GABRG3: variants seen among roughly 807,000 people sequenced by gnomAD.
GABRG3 encodes the protein gamma-aminobutyric acid receptor subunit gamma-3.
GABRG3 carries 25 observed loss-of-function variants against 48.8 expected under a neutral mutation model. The ratio of observed to expected loss-of-function variants is 0.51; its 90% CI spans 0.37 to 0.72. The LOEUF (loss-of-function observed/expected upper bound fraction) is 0.72. GABRG3 is among the 30% of genes least tolerant of loss of function. The pLI, the probability that GABRG3 is intolerant of heterozygous loss-of-function variation, is 0.00. For missense variants in GABRG3, 394 were observed against 577.9 expected (o/e 0.68, Z 3.26); for synonymous variants, 227 against 217.6 (o/e 1.04, Z -0.38).
chr15:27,077,068 C>T (rs1293534354), intron 3 of GABRG3, among the ~76,000 whole-genome samples: 1 of 152,146 alleles, frequency 6.6e-6, no homozygotes, highest in Non-Finnish European at 1.5e-5. Flanking sequence ...TGTAACGCTG[C>T]TGAAGTTTCA....
At chr15:26,972,108 C>G (rs879698550) in intron 1 of GABRG3, among the ~76,000 whole-genome samples, 2 of 152,040 alleles carry the variant, frequency 1.3e-5, no homozygotes, top group Admixed American at 1.3e-4. Flanking sequence ...AGAAGAAAGC[C>G]CTGCTTGTCT....
At chr15:27,308,198 GTTTATATATCCAAA>G (rs1892773921) in intron 3 of GABRG3, among the ~76,000 whole-genome samples, 1 of 43,512 alleles carries the variant, frequency 2.3e-5, no homozygotes, top group Admixed American at 2.1e-4. Flanking sequence ...ATATAAACAT[GTTTATATATCCAAA>G]CATATATAAA....
intron 2 of GABRG3, among the ~76,000 whole-genome samples, chr15:26,998,514 AC>A (rs897876115): frequency 2.6e-5 from 4 of 152,052 alleles, no homozygotes; most frequent in Non-Finnish European, 5.9e-5. Flanking sequence ...CTGGCATGGA[AC>A]CCCCACTCTT....
chr15:27,521,877 T>G (rs1891168550), intron 7 of GABRG3, among the ~76,000 whole-genome samples: 1 of 151,928 alleles, frequency 6.6e-6, no homozygotes, highest in African/African-American at 2.4e-5. Flanking sequence ...AATATGAATA[T>G]GCATAACATA....
chr15:27,281,598 G>A, intron 3 of GABRG3, among the ~76,000 whole-genome samples: 1 of 151,154 alleles, frequency 6.6e-6, no homozygotes, highest in African/African-American at 2.4e-5. Context: ...TTCAAAATCT[G>A]TTGGTACTTT....
intron 6 of GABRG3, among the ~76,000 whole-genome samples, chr15:27,502,489 G>T (rs12899403): frequency 0.5 from 76,051 of 151,914 alleles, 19,901 homozygotes; most frequent in Non-Finnish European, 0.59. Context: ...TTTTTCCCCA[G>T]ATCTGAAGTG....
At chr15:27,477,803 G>A (rs996455693) in intron 5 of GABRG3, among the ~76,000 whole-genome samples, 6 of 152,126 alleles carry the variant, frequency 3.9e-5, no homozygotes, top group Non-Finnish European at 7.4e-5. Flanking sequence ...CACTTTGGAA[G>A]GCCAAGGCGG....
intron 3 of GABRG3, among the ~76,000 whole-genome samples, chr15:27,181,093 C>T: frequency 6.6e-6 from 1 of 152,138 alleles, no homozygotes; most frequent in East Asian, 1.9e-4. Context: ...ACCTCTGTGG[C>T]TCCCAGCATG....
intron 6 of GABRG3, among the ~76,000 whole-genome samples, chr15:27,501,066 C>G (rs540880381): frequency 6.6e-6 from 1 of 151,272 alleles, no homozygotes; most frequent in South Asian, 2.1e-4. Flanking sequence ...ATTCTCCTGC[C>G]TCAGCCTCCC....
chr15:27,226,333 G>T (rs1302076329), intron 3 of GABRG3, among the ~76,000 whole-genome samples: 1 of 152,188 alleles, frequency 6.6e-6, no homozygotes, highest in African/African-American at 2.4e-5. Flanking sequence ...CTCAGGGACT[G>T]AGCGTGGTCA....
At chr15:27,273,104 TA>T (rs201089133) in intron 3 of GABRG3, among the ~76,000 whole-genome samples, 14 of 151,338 alleles carry the variant, frequency 9.3e-5, no homozygotes, top group East Asian at 3.9e-4. Flanking sequence ...TCTACAATGA[TA>T]AAAAAAAATA....
In GABRG3 at chr15:27,352,157, G is replaced by T. The variant is rs1420025989; in HGVS notation, c.574+23269G>T. Among the ~76,000 whole-genome samples, 2 of 148,714 alleles carry T rather than the reference G, an allele frequency of 1.3e-5. No homozygotes were observed. The highest frequency in any genetic ancestry group is 6.7e-5 in the Admixed American group (1 of 14,952). On this transcript the variant is annotated intron_variant, in intron 5 of 9. Coordinates refer to ENST00000615808, the MANE Select transcript of GABRG3 (RefSeq NM_033223.5). The surrounding 1 kb of genome is among the most constrained non-coding windows in gnomAD (Gnocchi z 4.0). ...TGTGTATTGTGTGTTTGTGTATGGT[G>T]TGTGTGTTTGTGTATGGTGTGTGTG... is the stretch of plus-strand genomic sequence containing the variant.
At chr15:27,077,308 A>G (rs1896926078) in intron 3 of GABRG3, among the ~76,000 whole-genome samples, 1 of 152,116 alleles carries the variant, frequency 6.6e-6, no homozygotes, top group Non-Finnish European at 1.5e-5. Flanking sequence ...TGTTTCATAC[A>G]GGCTTTCTTC....
intron 3 of GABRG3, among the ~76,000 whole-genome samples, chr15:27,263,762 G>A (rs1404181644): frequency 6.6e-6 from 1 of 151,886 alleles, no homozygotes; most frequent in Non-Finnish European, 1.5e-5. Flanking sequence ...GACAACCACC[G>A]GACGGACTGT....
At chr15:27,191,389 T>C (rs1386374936) in intron 3 of GABRG3, among the ~76,000 whole-genome samples, 1 of 152,208 alleles carries the variant, frequency 6.6e-6, no homozygotes, top group Admixed American at 6.5e-5. Flanking sequence ...CAGGACTTGC[T>C]TTATGAATCT....
intron 6 of GABRG3, among the ~76,000 whole-genome samples, chr15:27,499,567 C>G (rs1208867156): frequency 6.6e-6 from 1 of 152,192 alleles, no homozygotes; most frequent in African/African-American, 2.4e-5. Context: ...AGAGGCAGTA[C>G]AGTTCTGAGA....
chr15:27,228,006 G>A (rs1225062155), intron 3 of GABRG3, among the ~76,000 whole-genome samples: 2 of 152,180 alleles, frequency 1.3e-5, no homozygotes, highest in African/African-American at 4.8e-5. Flanking sequence ...CTTAGTGCCT[G>A]TGAAAACACA....
At chr15:27,222,058 A>C (rs1327163358) in intron 3 of GABRG3, among the ~76,000 whole-genome samples, 1 of 152,144 alleles carries the variant, frequency 6.6e-6, no homozygotes, top group African/African-American at 2.4e-5. Flanking sequence ...CCTCAATCCC[A>C]TTATCTCTTC....
intron 2 of GABRG3, among the ~76,000 whole-genome samples, chr15:27,022,945 A>G (rs1344330276): frequency 1.3e-5 from 2 of 152,174 alleles, no homozygotes; most frequent in African/African-American, 2.4e-5. Flanking sequence ...GACCACCTCA[A>G]TCCATCAACG....
Sources: gnomAD v4.1 joint callset for allele counts (sites outside exome capture counted in the v4.1 genomes callset) on GRCh38, gnomAD v4.1.1 for gene constraint, Gnocchi (gnomAD v3.1) non-coding constraint, MANE v1.5 for transcripts, NCBI Gene and HGNC (gene_info 2026-07-23, HGNC 2026-07-21) for gene names.